The following ANKRD11 variants were observed in gnomAD, a reference collection of about 807,000 sequenced individuals.
The protein encoded by ANKRD11 is ankyrin repeat domain-containing protein 11.
Under a neutral mutation model 195.7 loss-of-function variants are expected in ANKRD11, and 17 were observed. The observed-to-expected ratio is 0.09, with a 90% CI of 0.06 to 0.13. The LOEUF (loss-of-function observed/expected upper bound fraction) is 0.13. ANKRD11 is among the 10% of genes least tolerant of loss of function. The pLI, the probability that ANKRD11 is intolerant of heterozygous loss-of-function variation, is 1.00. For missense variants in ANKRD11, 3,735 were observed against 3,566.1 expected, an observed-to-expected ratio of 1.05 and a Z score of -1.21; for synonymous variants, 1,953 against 1,528.1, an observed-to-expected ratio of 1.28 and a Z score of -6.49.
intron 2 of ANKRD11, among the ~76,000 whole-genome samples, chr16:89,318,314 G>A (rs892680470): frequency 2.0e-5 from 3 of 152,164 alleles, no homozygotes; most frequent in African/African-American, 7.2e-5. Flanking sequence ...GTGCACTCAC[G>A]AGAGGAATGG....
chr16:89,323,111 G>A (rs569032548), intron 2 of ANKRD11: 30 of 318,422 alleles, frequency 9.4e-5, no homozygotes, highest in African/African-American at 2.9e-4. Context: ...GAGCCCTGCC[G>A]GCTGTTGTGC....
chr16:89,290,200 C>A (rs1025740913), intron 6 of ANKRD11, among the ~76,000 whole-genome samples: 6 of 152,100 alleles, frequency 3.9e-5, no homozygotes, highest in Non-Finnish European at 8.8e-5. Context: ...CCATCCAACC[C>A]GATGGGAGGC....
intron 2 of ANKRD11, among the ~76,000 whole-genome samples, chr16:89,385,953 G>A (rs942529600): frequency 5.3e-5 from 8 of 152,192 alleles, no homozygotes; most frequent in Non-Finnish European, 1.5e-5. Context: ...AGCACACAGC[G>A]GACAGCAGTC....
intron 2 of ANKRD11, among the ~76,000 whole-genome samples, chr16:89,374,469 T>C (rs1020891362): frequency 1.3e-5 from 2 of 152,096 alleles, no homozygotes; most frequent in Non-Finnish European, 2.9e-5. Context: ...ATACCACTAA[T>C]CGGCCCAGTA....
intron 2 of ANKRD11, chr16:89,324,681 T>G (rs889103365): frequency 8.4e-6 from 3 of 358,886 alleles, no homozygotes; most frequent in Non-Finnish European, 1.6e-5. Flanking sequence ...CTTCCTGCCC[T>G]CGAACATCAG....
At chr16:89,373,713 C>G (rs904135191) in intron 2 of ANKRD11, among the ~76,000 whole-genome samples, 6 of 152,234 alleles carry the variant, frequency 3.9e-5, no homozygotes, top group Middle Eastern at 6.3e-3. Context: ...ACGCTGCAGA[C>G]ACAACCCCAC....
At chr16:89,393,234 T>C (rs2041274383) in intron 2 of ANKRD11, among the ~76,000 whole-genome samples, 1 of 152,190 alleles carries the variant, frequency 6.6e-6, no homozygotes, top group African/African-American at 2.4e-5. Context: ...ACAGGTGACA[T>C]GGCTCCCACC....
intron 3 of ANKRD11, among the ~76,000 whole-genome samples, chr16:89,307,082 G>A (rs1016654686): frequency 6.6e-6 from 1 of 151,446 alleles, no homozygotes; most frequent in Non-Finnish European, 1.5e-5. Flanking sequence ...CACAGCACTC[G>A]GGACGTGGGG....
chr16:89,337,836 A>G (rs567398458), intron 2 of ANKRD11, among the ~76,000 whole-genome samples: 1 of 152,242 alleles, frequency 6.6e-6, no homozygotes, highest in South Asian at 2.1e-4. Flanking sequence ...GGAGTCAGCA[A>G]TGCCTGTTCC....
chr16:89,360,458 T>C (rs1222476284), intron 2 of ANKRD11: 1 of 152,182 alleles, frequency 6.6e-6, no homozygotes, highest in Non-Finnish European at 1.5e-5. Flanking sequence ...CATAGCAAAA[T>C]TCTGAGAAAC....
chr16:89,490,033 C>G (rs1241380617), intron 1 of ANKRD11, among the ~76,000 whole-genome samples: 1 of 147,340 alleles, frequency 6.8e-6, no homozygotes, highest in Non-Finnish European at 1.5e-5. Context: ...GCCCCGAACC[C>G]GGACCCGTAG....
chr16:89,318,576 C>A (rs556910727), intron 2 of ANKRD11, among the ~76,000 whole-genome samples: 1 of 152,230 alleles, frequency 6.6e-6, no homozygotes, highest in East Asian at 1.9e-4. Context: ...CTGTGAGTGG[C>A]AGCTCCACTG....
chr16:89,418,554 T>TACGTC, intron 1 of ANKRD11, 186 bp from the exon 2 acceptor site: 1 of 231,832 alleles, frequency 4.3e-6, no homozygotes, highest in African/African-American at 2.3e-5. Context: ...CAAATACCTT[T>TACGTC]ACGTCACAAT....
chr16:89,290,864 TG>T, intron 5 of ANKRD11, 36 bp from the exon 6 acceptor site: 1 of 1,611,894 alleles, frequency 6.2e-7, no homozygotes, highest in Non-Finnish European at 8.5e-7. Context: ...GGCATTACTG[TG>T]GGGTGGTCCT....
intron 1 of ANKRD11, among the ~76,000 whole-genome samples, chr16:89,441,570 A>G (rs147394430): frequency 0.012 from 1,824 of 152,112 alleles, 19 homozygotes; most frequent in Non-Finnish European, 0.018. Context: ...GATGGAGACC[A>G]TCCTGGCTAA....
chr16:89,319,379 G>T (rs1373707245), intron 2 of ANKRD11, among the ~76,000 whole-genome samples: 1 of 152,262 alleles, frequency 6.6e-6, no homozygotes, highest in African/African-American at 2.4e-5. Context: ...GGTGGAGGAA[G>T]TGGGTCGCAC....
rs890441290 is a variant in ANKRD11, at chr16:89,364,904, G to A, written c.-59-47826C>T. Among the ~76,000 whole-genome samples the A allele has an allele frequency of 2.0e-5, 3 of 152,298 alleles. No individual in the cohort carries two copies. In the South Asian group the frequency reaches 6.2e-4, roughly 32 times the overall value. Reference sequence around the variant, plus strand: ...AGATGGCCCAGGGAAAAGCCTCATCGAATGCTGAATACCTGTGAGATCATT... The same window carrying A: ...AGATGGCCCAGGGAAAAGCCTCATCAAATGCTGAATACCTGTGAGATCATT... On this transcript the variant is annotated intron_variant, in intron 2 of 12. Coordinates refer to ENST00000301030, the MANE Select transcript of ANKRD11 (RefSeq NM_013275.6).
intron 2 of ANKRD11, among the ~76,000 whole-genome samples, chr16:89,319,762 C>T (rs1310363694): frequency 6.6e-6 from 1 of 152,254 alleles, no homozygotes; most frequent in Non-Finnish European, 1.5e-5. Flanking sequence ...CTCCCAGGAC[C>T]CGCCTGCAGG....
chr16:89,357,678 C>T (rs1205611917), intron 2 of ANKRD11, among the ~76,000 whole-genome samples: 1 of 152,206 alleles, frequency 6.6e-6, no homozygotes, highest in African/African-American at 2.4e-5. Flanking sequence ...CGACTCAGCC[C>T]TAACGAGGAA....
Sources: gnomAD v4.1 joint callset for allele counts (sites outside exome capture counted in the v4.1 genomes callset) on GRCh38, gnomAD v4.1.1 for gene constraint, MANE v1.5 for transcripts, NCBI Gene and HGNC (gene_info 2026-07-23, HGNC 2026-07-21) for gene names.